TMEM230: variants seen among roughly 807,000 people sequenced by gnomAD.
TMEM230 encodes the protein UPF0414 transmembrane protein C20orf30.
TMEM230 carries 10 observed loss-of-function variants against 15.8 expected under a neutral mutation model. That is an observed-to-expected ratio of 0.63 (90% CI 0.39 to 1.07). The LOEUF is 1.07. TMEM230 is among the 50% of genes least tolerant of loss of function. The pLI is 0.01. For missense variants in TMEM230, 165 were observed against 193.3 expected, an observed-to-expected ratio of 0.85 and a Z score of 0.87; for synonymous variants, 67 against 76.9, an observed-to-expected ratio of 0.87 and a Z score of 0.68.
chr20:5,075,161 G>A (rs1280038218), intron 3 of TMEM230, among the ~76,000 whole-genome samples: 1 of 151,610 alleles, frequency 6.6e-6, no homozygotes, highest in African/African-American at 2.4e-5. Flanking sequence ...TACCTCCCGG[G>A]TTCAAGTGAT....
At position 5,100,585 on chromosome 20, in the gene TMEM230, G is replaced by A; in HGVS notation, c.*206C>T. ...ATATTCCTGTGGAAAAACTTGTCAG[G>A]GCCCAGGGATGAAAAATAGAGCTTG... On this transcript the variant is annotated 3_prime_UTR_variant, in exon 5 of 5. Coordinates refer to ENST00000342308, the MANE Select transcript of TMEM230 (RefSeq NM_001009923.2). 7.4e-7 allele frequency: 1 copy of A among 1,349,678 alleles called. No individual in the cohort carries two copies. Among genetic ancestry groups the A allele is most frequent in the South Asian group, 1.8e-5 (1 of 55,994 alleles). The allele number at this position is 1,349,678 out of a possible 1,614,324, so 83.6% of individuals were successfully genotyped here.
At chr20:5,110,886 C>A (rs6053116) in intron 2 of TMEM230, among the ~76,000 whole-genome samples, 24,620 of 152,076 alleles carry the variant, frequency 0.16, 2,853 homozygotes, top group African/African-American at 0.33. Flanking sequence ...AAATTAAGAC[C>A]ATTTGTATTA....
intron 4 of TMEM230, among the ~76,000 whole-genome samples, chr20:5,102,585 T>C (rs1427917260): frequency 6.7e-6 from 1 of 149,076 alleles, no homozygotes; most frequent in Non-Finnish European, 1.5e-5. Context: ...CAGTTGCTAG[T>C]GAGGCTGAGG....
intron 3 of TMEM230, among the ~76,000 whole-genome samples, chr20:5,082,225 TCTC>T (rs2089201960): frequency 9.2e-6 from 1 of 108,212 alleles, no homozygotes. Context: ...GCCTTGTTTC[TCTC>T]TCTCTTTCTC....
At chr20:5,082,435 T>C (rs2089209494) in intron 3 of TMEM230, among the ~76,000 whole-genome samples, 2 of 151,876 alleles carry the variant, frequency 1.3e-5, no homozygotes, top group Non-Finnish European at 2.9e-5. Flanking sequence ...TTTTAAAAAA[T>C]AACTACATAG....
At chr20:5,110,627 G>A (rs181842928) in intron 2 of TMEM230, among the ~76,000 whole-genome samples, 14 of 152,160 alleles carry the variant, frequency 9.2e-5, no homozygotes, top group Admixed American at 2.6e-4. Context: ...CTCCAGAAGC[G>A]CCCACCTCTC....
In TMEM230 at chr20:5,102,569, T is replaced by C. The variant is rs370583044; in HGVS notation, c.412-1638A>G. Reference sequence around the variant, plus strand: ...AGATGGGCATGGTGGTATATGCCTGTGGTCCCAGTTGCTAGTGAGGCTGAG... The same window carrying C: ...AGATGGGCATGGTGGTATATGCCTGCGGTCCCAGTTGCTAGTGAGGCTGAG... On this transcript the variant is annotated intron_variant, in intron 4 of 4. Coordinates refer to ENST00000342308, the MANE Select transcript of TMEM230 (RefSeq NM_001009923.2). 6.6e-5 allele frequency among the ~76,000 whole-genome samples: 10 copies of C among 151,838 alleles called. No individual in the cohort carries two copies. The East Asian group carries it at 7.8e-4, about 12-fold the overall frequency.
At chr20:5,065,648 C>T (rs117987146), downstream of TMEM230, among the ~76,000 whole-genome samples, 12 of 152,274 alleles carry the variant, frequency 7.9e-5, no homozygotes, top group East Asian at 1.7e-3. Context: ...GTGTCCTGGA[C>T]GCATGTGGGA....
chr20:5,108,380 C>T (rs890924922), intron 3 of TMEM230, among the ~76,000 whole-genome samples: 3 of 148,032 alleles, frequency 2.0e-5, no homozygotes, highest in African/African-American at 7.6e-5. Flanking sequence ...GGTTGTGCCA[C>T]TGCACTCCAG....
At chr20:5,089,457 T>G (rs959243292) in intron 3 of TMEM230, among the ~76,000 whole-genome samples, 1 of 151,716 alleles carries the variant, frequency 6.6e-6, no homozygotes, top group Non-Finnish European at 1.5e-5. Flanking sequence ...CCCAGCACTT[T>G]GGGAGGCCGT....
At chr20:5,109,575 ATTTACACTTCACTGCTAAATT>A in intron 2 of TMEM230, 130 bp from the exon 2 acceptor site, 1 of 692,296 alleles carries the variant, frequency 1.4e-6, no homozygotes, top group Non-Finnish European at 2.5e-6. Flanking sequence ...GCAATGGGCA[ATTTACACTTCACTGCTAAATT>A]TTCATTGTGT....
rs1183708240 is a variant in TMEM230 at position 5,106,329 on chromosome 20, T to C, written c.289-19A>G. ...TCTTAAACTGGAAGAGAAATAGAGA[T>C]GAAAAAGACAACGAAGAACATTAAT... On this transcript the variant is annotated intron_variant, in intron 3 of 4. Transcript: ENST00000342308. The C allele has an allele frequency of 1.3e-6, 2 of 1,582,050 alleles. No homozygotes were observed. The highest frequency in any genetic ancestry group is 1.7e-6 in the Non-Finnish European group (2 of 1,168,844).
chr20:5,062,174 A>G, the TMEM230 span, among the ~76,000 whole-genome samples: 1 of 151,774 alleles, frequency 6.6e-6, no homozygotes, highest in Non-Finnish European at 1.5e-5. Context: ...GTGAGCCGAG[A>G]TCGCACCATT....
intron 3 of TMEM230, among the ~76,000 whole-genome samples, chr20:5,091,265 G>A (rs946473725): frequency 2.0e-5 from 3 of 152,142 alleles, no homozygotes; most frequent in African/African-American, 2.4e-5. Flanking sequence ...TTGTTGCCCA[G>A]GCTGGAGTGC....
At chr20:5,112,716 G>A (rs991247356) in intron 1 of TMEM230, 1 of 1,426,506 alleles carries the variant, frequency 7.0e-7, no homozygotes, top group Non-Finnish European at 9.2e-7. Flanking sequence ...CTGGCATTAC[G>A]CGCCTCTACA....
At chr20:5,095,626 G>A (rs933798992), downstream of TMEM230, among the ~76,000 whole-genome samples, 1 of 152,180 alleles carries the variant, frequency 6.6e-6, no homozygotes, top group African/African-American at 2.4e-5. Context: ...CACTGCCTGA[G>A]GAGGTCCAGT....
chr20:5,073,152 C>T (rs1019500097), intron 3 of TMEM230, among the ~76,000 whole-genome samples: 1 of 152,110 alleles, frequency 6.6e-6, no homozygotes. Context: ...TCAGGGTTAT[C>T]CTTCTTCAAA....
chr20:5,067,410 C>CATATGTAT (rs2088678831), downstream of TMEM230: 1 of 102,314 alleles, frequency 9.8e-6, no homozygotes, highest in African/African-American at 3.6e-5. Flanking sequence ...TGTTTAGGCT[C>CATATGTAT]ATATATATAT....
At chr20:5,079,032 A>G (rs1299653836) in intron 3 of TMEM230, among the ~76,000 whole-genome samples, 2 of 152,242 alleles carry the variant, frequency 1.3e-5, no homozygotes, top group African/African-American at 4.8e-5. Context: ...TTGCCCATTT[A>G]TCACATACAA....
Sources: allele counts gnomAD v4.1 joint callset (sites outside exome capture counted in the v4.1 genomes callset), GRCh38; gene constraint gnomAD v4.1.1; transcripts MANE v1.5; gene names NCBI Gene and HGNC (gene_info 2026-07-23, HGNC 2026-07-21).